Variants in RAP1GAP2 observed in about 807,000 individuals in gnomAD.
RAP1GAP2 encodes the protein rap1 GTPase-activating protein 2.
Under a neutral mutation model 95.0 loss-of-function variants are expected in RAP1GAP2, and 27 were observed. The observed-to-expected ratio is 0.28, with a 90% CI of 0.21 to 0.39. The LOEUF is 0.39. Ranked by LOEUF, RAP1GAP2 falls within the 10% of genes least tolerant of loss-of-function variation. The probability of loss-of-function intolerance (pLI) is 1.00; values close to 1 mark genes in which losing one functional copy is unlikely to be tolerated. For synonymous variants in RAP1GAP2, 373 were observed against 380.9 expected (o/e 0.98, Z 0.24); for missense variants, 771 against 970.0 (o/e 0.79, Z 2.72).
At chr17:2,926,813 T>A (rs1268421761) in intron 3 of RAP1GAP2, among the ~76,000 whole-genome samples, 1 of 151,850 alleles carries the variant, frequency 6.6e-6, no homozygotes, top group Non-Finnish European at 1.5e-5. Context: ...GAGACCAGCC[T>A]GGCCAACATG....
At position 3,008,730 on chromosome 17, in the gene RAP1GAP2, A is replaced by G. The variant is rs73298953; in HGVS notation, c.1494+585A>G. 0.039 allele frequency among the ~76,000 whole-genome samples: 6,010 copies of G among 152,292 alleles called. 384 individuals are homozygous for G. The highest frequency in any genetic ancestry group is 0.13 in the African/African-American group (5,574 of 41,530). ...CCTGTCCCTGGAAGTATTCAAGTGGAGCTCGGACGGCCCCCGAGCTGGCGT... is the reference window on the plus strand; with the variant it reads ...CCTGTCCCTGGAAGTATTCAAGTGGGGCTCGGACGGCCCCCGAGCTGGCGT... On this transcript the variant is annotated intron_variant, in intron 17 of 24. Coordinates refer to ENST00000254695, the MANE Select transcript of RAP1GAP2 (RefSeq NM_015085.5). This position sits in a 1 kb window ranked among gnomAD's most constrained non-coding sequence, Gnocchi z 4.2.
intron 10 of RAP1GAP2, among the ~76,000 whole-genome samples, chr17:2,984,220 G>C (rs1028519868): frequency 6.6e-6 from 1 of 151,914 alleles, no homozygotes; most frequent in Admixed American, 6.6e-5. Flanking sequence ...TGATGGTGGG[G>C]GCCTGTAATC....
intron 1 of RAP1GAP2, among the ~76,000 whole-genome samples, chr17:2,757,915 G>A (rs1424659195): frequency 6.6e-6 from 1 of 151,094 alleles, no homozygotes; most frequent in Non-Finnish European, 1.5e-5. Context: ...TGTCACCCAA[G>A]CTGGAGTGGA....
chr17:2,886,141 G>A (rs1317033145), intron 2 of RAP1GAP2, among the ~76,000 whole-genome samples: 1 of 101,330 alleles, frequency 9.9e-6, no homozygotes, highest in Non-Finnish European at 2.0e-5. Flanking sequence ...ATTTATGTGT[G>A]TGTGTGTGTG....
intron 1 of RAP1GAP2, among the ~76,000 whole-genome samples, chr17:2,788,444 C>G (rs772948728): frequency 6.6e-6 from 1 of 152,036 alleles, no homozygotes; most frequent in Non-Finnish European, 1.5e-5. Context: ...TACAGGTGCC[C>G]GCCACCATGC....
At chr17:2,818,777 T>C (rs1474685094) in intron 2 of RAP1GAP2, among the ~76,000 whole-genome samples, 1 of 152,226 alleles carries the variant, frequency 6.6e-6, no homozygotes, top group Non-Finnish European at 1.5e-5. Context: ...GTTCAGATCT[T>C]GGCTCTGACA....
At chr17:2,807,674 C>T (rs937388335) in intron 2 of RAP1GAP2, among the ~76,000 whole-genome samples, 1 of 152,156 alleles carries the variant, frequency 6.6e-6, no homozygotes, top group African/African-American at 2.4e-5. Context: ...CGTGAAGCAG[C>T]TTCAGCAGGT....
intron 2 of RAP1GAP2, among the ~76,000 whole-genome samples, chr17:2,860,594 CTTTTTTTTTTTTT>C (rs561492877): frequency 1.0e-5 from 1 of 96,066 alleles, no homozygotes; most frequent in Non-Finnish European, 2.0e-5. Flanking sequence ...ACTTATTTAT[CTTTTTTTTTTTTT>C]TTTTTTTTTT....
Position 2,965,709 on chromosome 17 carries a change from G to T in RAP1GAP2, c.596+66G>T. The T allele has an allele frequency of 8.3e-7, 1 of 1,207,168 alleles. No homozygotes were observed. The highest frequency in any genetic ancestry group is 1.2e-6 in the Non-Finnish European group (1 of 835,522). The allele number at this position is 1,207,168 out of a possible 1,614,324, so 74.8% of individuals were successfully genotyped here. ...CAGGGCTCTCATCGGTGGTGTGGGG[G>T]CTGGGATGGGACTCAGAAATACCAG... On this transcript the variant is annotated intron_variant, in intron 8 of 24. Transcript: ENST00000254695. This position sits in a 1 kb window ranked among gnomAD's most constrained non-coding sequence, Gnocchi z 4.7.
intron 8 of RAP1GAP2, among the ~76,000 whole-genome samples, chr17:2,966,695 T>C (rs1228489902): frequency 6.6e-6 from 1 of 152,176 alleles, no homozygotes; most frequent in African/African-American, 2.4e-5. Flanking sequence ...GAAATCATAT[T>C]TGCAAGGCAT....
At chr17:2,973,957 T>G (rs1485657548) in intron 8 of RAP1GAP2, among the ~76,000 whole-genome samples, 1 of 152,174 alleles carries the variant, frequency 6.6e-6, no homozygotes, top group African/African-American at 2.4e-5. Context: ...AGATAATCTA[T>G]GATCTAATGA....
intron 3 of RAP1GAP2, among the ~76,000 whole-genome samples, chr17:2,948,646 G>A (rs989335847): frequency 2.7e-5 from 4 of 148,962 alleles, no homozygotes; most frequent in African/African-American, 9.9e-5. Flanking sequence ...GTGTAGAGCT[G>A]CTGTGGACCA....
chr17:2,918,432 C>CAAA lies in RAP1GAP2; in HGVS notation c.165+13083_165+13085dup, dbSNP rs533808717. On this transcript the variant is annotated intron_variant, in intron 3 of 24. Coordinates refer to ENST00000254695, the MANE Select transcript of RAP1GAP2 (RefSeq NM_015085.5). ...TGGGCAATAGAATGAGACTCCATCT[C>CAAA]AAAAAAAAAAAAAAAAAAAAAGAAA... Among the ~76,000 whole-genome samples, 334 of 65,324 alleles carry CAAA rather than the reference C, an allele frequency of 5.1e-3. 9 individuals are homozygous for CAAA. Among genetic ancestry groups the CAAA allele is most frequent in the East Asian group, 0.031 (71 of 2,322 alleles). The allele number at this position is 65,324 out of a possible 152,430, so 42.9% of individuals were successfully genotyped here. A position where few individuals can be genotyped will look rare whatever the true frequency, so the allele number is the denominator to read the frequency against.
At chr17:3,019,675 A>G (rs1474005777) in intron 18 of RAP1GAP2, among the ~76,000 whole-genome samples, 68 of 152,158 alleles carry the variant, frequency 4.5e-4, no homozygotes, top group Non-Finnish European at 1.0e-4. Flanking sequence ...TTTCCTAGCT[A>G]TTATCTTGCT....
At chr17:2,818,305 ATTTATTTATTTAT>A (rs2070124743) in intron 2 of RAP1GAP2, among the ~76,000 whole-genome samples, 1 of 97,460 alleles carries the variant, frequency 1.0e-5, no homozygotes, top group South Asian at 2.7e-4. Context: ...TTATTTATTT[ATTTATTTATTTAT>A]TTATTTATTT....
At position 3,005,039 on chromosome 17, in the gene RAP1GAP2, C is replaced by T. The variant is rs137939731; in HGVS notation, c.1201-330C>T. On this transcript the variant is annotated intron_variant, in intron 14 of 24. Transcript: ENST00000254695. The surrounding 1 kb of genome is among the most constrained non-coding windows in gnomAD (Gnocchi z 5.2). ...CCCTGTGCCTTCTCAGTAGGATTAG[C>T]GTCACGGTCGAATGAGGTCACGAGA... 1.6e-3 allele frequency among the ~76,000 whole-genome samples: 238 copies of T among 152,178 alleles called. 1 individual carries two copies. The highest frequency in any genetic ancestry group is 5.5e-3 in the African/African-American group (227 of 41,490).
chr17:2,861,845 G>A (rs1259564997), intron 2 of RAP1GAP2, among the ~76,000 whole-genome samples: 3 of 151,972 alleles, frequency 2.0e-5, no homozygotes, highest in African/African-American at 4.8e-5. Context: ...TAGTAGAGAC[G>A]GGGTTTCACC....
intron 1 of RAP1GAP2, among the ~76,000 whole-genome samples, chr17:2,799,195 G>A (rs1478993729): frequency 2.6e-5 from 4 of 152,218 alleles, no homozygotes; most frequent in East Asian, 1.9e-4. Context: ...GTGTCTGTGC[G>A]TTGAATGGGG....
At chr17:2,916,177 C>G (rs563552174) in intron 3 of RAP1GAP2, among the ~76,000 whole-genome samples, 208 of 152,264 alleles carry the variant, frequency 1.4e-3, no homozygotes, top group Non-Finnish European at 2.3e-3. Context: ...TTAGTCAAAA[C>G]TCTGCCAGGC....
Sources: allele counts gnomAD v4.1 joint callset (sites outside exome capture counted in the v4.1 genomes callset), GRCh38; gene constraint gnomAD v4.1.1; non-coding constraint Gnocchi (gnomAD v3.1); transcripts MANE v1.5; gene names NCBI Gene and HGNC (gene_info 2026-07-23, HGNC 2026-07-21).